ACE: variants seen among roughly 807,000 people sequenced by gnomAD.
ACE encodes angiotensin I converting enzyme.
ACE carries 122 observed loss-of-function variants against 162.3 expected under a neutral mutation model. That is an observed-to-expected ratio of 0.75 (90% CI 0.65 to 0.87). The LOEUF is 0.87. Ranked by LOEUF, ACE falls within the 40% of genes least tolerant of loss-of-function variation. The pLI is 0.00. For synonymous variants in ACE, 796 were observed against 720.6 expected, an observed-to-expected ratio of 1.10 and a Z score of -1.68; for missense variants, 1,799 against 1,735.1, an observed-to-expected ratio of 1.04 and a Z score of -0.65.
intron 8 of ACE, 77 bp from the exon 9 acceptor site, chr17:63,482,952 C>A: frequency 6.7e-7 from 1 of 1,495,142 alleles, no homozygotes; most frequent in Non-Finnish European, 9.3e-7. Context: ...TTTCTGCTGC[C>A]CCGCCAGCCC....
At chr17:63,482,434 T>C (rs2049725495) in intron 7 of ACE, 32 bp from the exon 8 acceptor site, 1 of 1,602,110 alleles carries the variant, frequency 6.2e-7, no homozygotes, top group Admixed American at 1.7e-5. Context: ...TGTCCATCCG[T>C]CACTCTCACC....
At position 63,480,511 on chromosome 17, in the gene ACE, T is replaced by TC; in HGVS notation, c.833dup (p.Ala279CysfsTer113). The stretch of plus-strand genomic sequence containing the variant: ...AGATACATCAACCTCAGGGGACCCA[T>TC]CCCTGCTCATCTGCTGGGTAAGGAC... On this transcript the variant is annotated frameshift_variant, in exon 5 of 25. Coordinates refer to ENST00000290866, the MANE Select transcript of ACE (RefSeq NM_000789.4). LOFTEE classifies it high-confidence loss of function. 6.2e-7 allele frequency: 1 copy of TC among 1,613,790 alleles called. No homozygotes were observed. The highest frequency in any genetic ancestry group is 8.5e-7 in the Non-Finnish European group (1 of 1,180,000).
chr17:63,484,276 G>T lies in ACE; in HGVS notation c.1710-54G>T. On this transcript the variant is annotated intron_variant, in intron 11 of 24. Coordinates refer to ENST00000290866, the MANE Select transcript of ACE (RefSeq NM_000789.4). This position sits in a 1 kb window ranked among gnomAD's most constrained non-coding sequence, Gnocchi z 4.0. The stretch of plus-strand genomic sequence containing the variant: ...CAGGGGCATGTGGGCCGGGGTCCAG[G>T]AGCAGACTCCAGCCTGAGTCCCCTG... 6.4e-7 allele frequency: 1 copy of T among 1,562,192 alleles called. No individual in the cohort carries two copies. Among genetic ancestry groups the T allele is most frequent in the South Asian group, 1.2e-5 (1 of 86,444 alleles).
At chr17:63,482,787 C>T (rs2049732633) in intron 8 of ACE, 98 bp downstream of exon 8, 13 of 1,351,464 alleles carry the variant, frequency 9.6e-6, no homozygotes, top group South Asian at 3.7e-5. Flanking sequence ...GCCCTTCTTT[C>T]TGCCTCCCGG....
At position 63,498,131 on chromosome 17, in the gene ACE, A is replaced by G. The variant is rs1296056989; in HGVS notation, c.*765A>G. ...GAACAGCCTTGGCTCTCAGACAGCC[A>G]TTCTAACACTGCCAGTGCAGAGGGG... On this transcript the variant is annotated 3_prime_UTR_variant, in exon 25 of 25. Transcript: ENST00000290866. The G allele has an allele frequency of 6.5e-6, 1 of 153,778 alleles. No homozygotes were observed. The highest frequency in any genetic ancestry group is 2.4e-5 in the African/African-American group (1 of 41,466). 9.5% of individuals were successfully genotyped at this position (153,778 alleles called of 1,614,324 possible). A position where few individuals can be genotyped will look rare whatever the true frequency, so the allele number is the denominator to read the frequency against.
In ACE at chr17:63,494,056, T is replaced by C. The variant is rs2030569963; in HGVS notation, c.3271T>C (p.Trp1091Arg). ...ITKENYNQEW[W>R]SLRLKYQGLC... is the part of the protein sequence containing the mutation. ...CAAGGAGAACTATAACCAGGAGTGGTGGAGCCTCAGGTTCTGGAACACTCC... is the reference window on the plus strand; with the variant it reads ...CAAGGAGAACTATAACCAGGAGTGGCGGAGCCTCAGGTTCTGGAACACTCC... Residue 1091 changes from tryptophan (W) to arginine (R), a missense_variant, in exon 21 of 25, where the codon TGG becomes CGG. Trp to Arg is a moderately radical substitution (Grantham distance 101). Transcript: ENST00000290866. 1 of 1,613,822 alleles carries C rather than the reference T, an allele frequency of 6.2e-7. No individual in the cohort carries two copies. Among genetic ancestry groups the C allele is most frequent in the African/African-American group, 1.3e-5 (1 of 74,846 alleles).
Position 63,483,567 on chromosome 17 carries a change from G to GCGGGGGGGGCCCCCCCCCCCCC in ACE, c.1586+10_1586+11insGGGGGGGGCCCCCCCCCCCCCC. On this transcript the variant is annotated intron_variant, in intron 10 of 24. Coordinates refer to ENST00000290866, the MANE Select transcript of ACE (RefSeq NM_000789.4). ...GTGACACCATACATCAGGTATTAGCGCCCCCACCCCACCCACCCCCAGTAC... is the reference window on the plus strand; with the variant it reads ...GTGACACCATACATCAGGTATTAGCGCGGGGGGGGCCCCCCCCCCCCCCCCCCACCCCACCCACCCCCAGTAC... The GCGGGGGGGGCCCCCCCCCCCCC allele has an allele frequency of 2.5e-6, 4 of 1,589,170 alleles. No homozygotes were observed. The highest frequency in any genetic ancestry group is 3.4e-6 in the Non-Finnish European group (4 of 1,165,414).
chr17:63,494,494 C>T (rs1223356218), intron 22 of ACE, 24 bp downstream of exon 22: 1 of 1,579,876 alleles, frequency 6.3e-7, no homozygotes. Flanking sequence ...CAGGAGGGCA[C>T]ATTGTGAGGG....
In ACE at chr17:63,484,529, C is replaced by G; in HGVS notation, c.1909C>G (p.Pro637Ala). Residue 637 changes from proline (P) to alanine (A), a missense_variant, in exon 12 of 25, where the codon CCG becomes GCG. By Grantham distance (27) the Pro-to-Ala change is conservative. Transcript: ENST00000290866. The surrounding 1 kb of genome is among the most constrained non-coding windows in gnomAD (Gnocchi z 4.0). ...QWHPPLPDNY[P>A]EGIDLVTDEA... ...GCACCCGCCGTTGCCTGACAACTACCCGGAGGGCATAGGTAAAGCCCTGAG... is the reference window on the plus strand; with the variant it reads ...GCACCCGCCGTTGCCTGACAACTACGCGGAGGGCATAGGTAAAGCCCTGAG... 1 of 1,611,560 alleles carries G rather than the reference C, an allele frequency of 6.2e-7. No homozygotes were observed. Among genetic ancestry groups the G allele is most frequent in the Non-Finnish European group, 8.5e-7 (1 of 1,179,662 alleles).
At chr17:63,486,915 G>T in intron 14 of ACE, 71 bp from the exon 15 acceptor site, 1 of 1,511,876 alleles carries the variant, frequency 6.6e-7, no homozygotes, top group East Asian at 2.3e-5. Flanking sequence ...CATGGGGCCT[G>T]GGGGTAGTGC....
In ACE at chr17:63,480,389, C is replaced by G; in HGVS notation, c.708C>G (p.Phe236Leu). 1 of 1,614,138 alleles carries G rather than the reference C, an allele frequency of 6.2e-7. No individual in the cohort carries two copies. Among genetic ancestry groups the G allele is most frequent in the Non-Finnish European group, 8.5e-7 (1 of 1,180,034 alleles). ...YWRSWYNSPT[F>L]EDDLEHLYQQ... ...GCTCCTGGTACAACTCCCCCACCTTCGAGGACGATCTGGAACACCTCTACC... is the reference window on the plus strand; with the variant it reads ...GCTCCTGGTACAACTCCCCCACCTTGGAGGACGATCTGGAACACCTCTACC... Residue 236 changes from phenylalanine (F) to leucine (L), a missense_variant, in exon 5 of 25, where the codon TTC becomes TTG. Transcript: ENST00000290866.
chr17:63,496,639 C>A, intron 23 of ACE, 123 bp downstream of exon 23: 1 of 1,581,414 alleles, frequency 6.3e-7, no homozygotes. Context: ...CTCCCACCTG[C>A]AGCGTGGGCC....
chr17:63,482,300 CAAAAAAAA>C lies in ACE; in HGVS notation c.1119-161_1119-154del, dbSNP rs59148455. Among the ~76,000 whole-genome samples the C allele has an allele frequency of 2.5e-4, 35 of 141,006 alleles. No homozygotes were observed. The South Asian group carries it at 7.7e-3, about 31-fold the overall frequency. The allele number at this position is 141,006 out of a possible 152,430, so 92.5% of individuals were successfully genotyped here. ...TGTGCAAAAGAGTGAGACGCTGTCT[CAAAAAAAA>C]AAAAGAAAAAAAGAAGTTACTTGTT... On this transcript the variant is annotated intron_variant, in intron 7 of 24. Transcript: ENST00000290866.
At chr17:63,483,719 GGT>G (rs2029861255) in intron 10 of ACE, 128 bp from the exon 11 acceptor site, 5 of 1,535,940 alleles carry the variant, frequency 3.3e-6, no homozygotes, top group Non-Finnish European at 4.5e-6. Context: ...GCCTGTCTTG[GGT>G]CTCCCTTCTC....
Position 63,485,249 on chromosome 17 carries a change from T to A in ACE, c.1935T>A (p.Asp645Glu). 6.2e-7 allele frequency: 1 copy of A among 1,614,086 alleles called. No individual in the cohort carries two copies. Among genetic ancestry groups the A allele is most frequent in the Non-Finnish European group, 8.5e-7 (1 of 1,180,020 alleles). Reference protein sequence around the residue: ...NYPEGIDLVTDEAEASKFVEE... With the variant: ...NYPEGIDLVTEEAEASKFVEE... ...TCTGTCCCACAGACCTGGTGACTGA[T>A]GAGGCTGAGGCCAGCAAGTTTGTGG... Residue 645 changes from aspartate to glutamate, a missense_variant, in exon 13 of 25, where the codon GAT (aspartate) becomes GAA (glutamate). Asp to Glu is a conservative substitution (Grantham distance 45). Coordinates refer to ENST00000290866, the MANE Select transcript of ACE (RefSeq NM_000789.4).
Position 63,481,746 on chromosome 17 carries a change from C to T in ACE, c.1118+8C>T, listed in dbSNP as rs1425792505. On this transcript the variant is annotated splice_region_variant and intron_variant, in intron 7 of 24. Coordinates refer to ENST00000290866, the MANE Select transcript of ACE (RefSeq NM_000789.4). ...CAACAGGAAAGACTTCAGGTTCAGA[C>T]ATGGGAAGAGCACGTTCTGGGGTTC... is the stretch of plus-strand genomic sequence containing the variant. The T allele has an allele frequency of 6.2e-7, 1 of 1,614,060 alleles. No individual in the cohort carries two copies. Among genetic ancestry groups the T allele is most frequent in the Non-Finnish European group, 8.5e-7 (1 of 1,180,014 alleles).
Position 63,481,103 on chromosome 17 carries a change from C to T in ACE, c.860C>T (p.Ala287Val), listed in dbSNP as rs770340552. The change falls in exon 6 of 25, where the codon GCC becomes GTC. Residue 287 changes from alanine (A) to valine (V), a missense_variant. Transcript: ENST00000290866. ...CTTCCTTATCTAGGAGACATGTGGG[C>T]CCAGAGCTGGGAAAACATCTACGAC... Reference protein sequence around the residue: ...IPAHLLGDMWAQSWENIYDMV... With the variant: ...IPAHLLGDMWVQSWENIYDMV... 2.5e-6 allele frequency: 4 copies of T among 1,614,028 alleles called. No homozygotes were observed. Among genetic ancestry groups the T allele is most frequent in the Non-Finnish European group, 2.5e-6 (3 of 1,179,994 alleles).
Position 63,496,535 on chromosome 17 carries a change from T to G in ACE, c.3503+19T>G. The G allele has an allele frequency of 6.2e-7, 1 of 1,613,810 alleles. No individual in the cohort carries two copies. Among genetic ancestry groups the G allele is most frequent in the African/African-American group, 1.3e-5 (1 of 75,058 alleles). ...GCCTGGCGTGAGTGTCCTCCAGCCC[T>G]CCTTTGTTTCCATGCTCTGGCCTGC... On this transcript the variant is annotated intron_variant, in intron 23 of 24. Coordinates refer to ENST00000290866, the MANE Select transcript of ACE (RefSeq NM_000789.4).
At chr17:63,481,472 G>A in intron 6 of ACE, 94 bp from the exon 7 acceptor site, 3 of 1,394,178 alleles carry the variant, frequency 2.2e-6, no homozygotes, top group Non-Finnish European at 3.0e-6. Flanking sequence ...AAGCTTTCAT[G>A]CACAGGGAGT....
Sources: allele counts gnomAD v4.1 joint callset (sites outside exome capture counted in the v4.1 genomes callset), GRCh38; gene constraint gnomAD v4.1.1; non-coding constraint Gnocchi (gnomAD v3.1); transcripts MANE v1.5; gene names NCBI Gene and HGNC (gene_info 2026-07-23, HGNC 2026-07-21).